Variants in NOX4 observed in about 807,000 individuals in gnomAD.
NOX4 encodes the protein NADPH oxidase 4.
A neutral mutation model predicts 87.6 loss-of-function variants in NOX4; 69 were observed. The observed-to-expected ratio is 0.79, with a 90% CI of 0.65 to 0.96. The LOEUF is 0.96. NOX4 is among the 40% of genes least tolerant of loss of function. NOX4 has a pLI of 0.00. For synonymous variants in NOX4, 275 were observed against 238.2 expected (o/e 1.15, Z -1.42); for missense variants, 680 against 681.5 (o/e 1.00, Z 0.02).
the NOX4 span, among the ~76,000 whole-genome samples, chr11:89,513,255 G>A: frequency 2.0e-5 from 3 of 151,922 alleles, no homozygotes; most frequent in African/African-American, 4.8e-5. Context: ...GGGAGGTGGA[G>A]GTTGCAGTGA....
intron 11 of NOX4, among the ~76,000 whole-genome samples, chr11:89,376,724 T>C (rs1026667487): frequency 1.3e-5 from 2 of 151,844 alleles, no homozygotes; most frequent in Admixed American, 6.6e-5. Context: ...CTACTAAAAA[T>C]ACAAAAAATT....
At chr11:89,496,600 A>C (rs564244367), upstream of NOX4, among the ~76,000 whole-genome samples, 1 of 152,038 alleles carries the variant, frequency 6.6e-6, no homozygotes, top group Non-Finnish European at 1.5e-5. Context: ...AAGAGAAAAA[A>C]TAAATACAAA....
chr11:89,493,721 TTTA>T (rs200679523), upstream of NOX4, among the ~76,000 whole-genome samples: 15,374 of 142,120 alleles, frequency 0.11, 1,092 homozygotes, highest in East Asian at 0.24. Flanking sequence ...GCCAGATTGT[TTTA>T]TTATTATTAT....
intron 2 of NOX4, among the ~76,000 whole-genome samples, chr11:89,463,123 C>T (rs752031984): frequency 6.6e-6 from 1 of 151,668 alleles, no homozygotes; most frequent in Non-Finnish European, 1.5e-5. Flanking sequence ...CAGATTCTGT[C>T]CATTTAATAA....
At chr11:89,381,822 G>A (rs1412577746) in intron 11 of NOX4, among the ~76,000 whole-genome samples, 1 of 152,160 alleles carries the variant, frequency 6.6e-6, no homozygotes, top group African/African-American at 2.4e-5. Context: ...AATCGGGTAA[G>A]CAGGCTCTTT....
chr11:89,530,042 G>A, the NOX4 span, among the ~76,000 whole-genome samples: 1 of 151,944 alleles, frequency 6.6e-6, no homozygotes, highest in Non-Finnish European at 1.5e-5. Context: ...ATATTTTATT[G>A]TTAAACATCA....
intron 12 of NOX4, among the ~76,000 whole-genome samples, chr11:89,368,976 A>G (rs1450677590): frequency 3.9e-5 from 6 of 152,082 alleles, no homozygotes; most frequent in Non-Finnish European, 7.4e-5. Context: ...TACTTTTATT[A>G]TCTCTTAAAC....
At position 89,370,498 on chromosome 11, in the gene NOX4, C is replaced by T. The variant is rs1315172103; in HGVS notation, c.1135+2934G>A. On this transcript the variant is annotated intron_variant, in intron 12 of 17. Transcript: ENST00000263317. ...ATTAATCAATACTAATCATATGTAA[C>T]GAAGAAATTAACAAAACATTTTTGT... 4.6e-5 allele frequency among the ~76,000 whole-genome samples: 7 copies of T among 151,664 alleles called. No individual in the cohort carries two copies. The South Asian group carries it at 8.3e-4, about 18-fold the overall frequency.
chr11:89,356,547 G>C lies in NOX4; in HGVS notation c.1136-1504C>G, dbSNP rs906464395. Among the ~76,000 whole-genome samples, 6 of 152,118 alleles carry C rather than the reference G, an allele frequency of 3.9e-5. No homozygotes were observed. In the East Asian group the frequency reaches 7.7e-4, roughly 20 times the overall value. ...CAGGAATAGGTATGCATTACCTCTA[G>C]AGTCATACCTATGGAAAGGCTTCCT... On this transcript the variant is annotated intron_variant, in intron 12 of 17. Coordinates refer to ENST00000263317, the MANE Select transcript of NOX4 (RefSeq NM_016931.5).
chr11:89,486,436 T>C (rs1213407433), intron 2 of NOX4, among the ~76,000 whole-genome samples: 4 of 149,440 alleles, frequency 2.7e-5, no homozygotes, highest in African/African-American at 7.3e-5. Flanking sequence ...TGCAATTACA[T>C]GCATGTGCCA....
At chr11:89,371,309 G>C (rs1315445606) in intron 12 of NOX4, among the ~76,000 whole-genome samples, 2 of 151,930 alleles carry the variant, frequency 1.3e-5, no homozygotes, top group African/African-American at 4.8e-5. Context: ...TAATTGAAAA[G>C]CATCTGACTA....
chr11:89,438,515 CTATA>C lies in NOX4; in HGVS notation c.475+2169_475+2172del, dbSNP rs1406664961. On this transcript the variant is annotated intron_variant, in intron 6 of 17. Transcript: ENST00000263317. The stretch of plus-strand genomic sequence containing the variant: ...TAATATACAGCATATATATTATATA[CTATA>C]TATACTATATATTACACACTATATA... Among the ~76,000 whole-genome samples the C allele has an allele frequency of 6.3e-5, 5 of 79,914 alleles. No individual in the cohort carries two copies. The East Asian group carries it at 1.9e-3, about 30-fold the overall frequency. The allele number at this position is 79,914 out of a possible 152,430, so 52.4% of individuals were successfully genotyped here.
At chr11:89,335,493 ATTCT>A (rs1945665590) in intron 17 of NOX4, among the ~76,000 whole-genome samples, 1 of 151,760 alleles carries the variant, frequency 6.6e-6, no homozygotes, top group Admixed American at 6.6e-5. Flanking sequence ...TAATTGTAAA[ATTCT>A]TTGTTTGGAA....
chr11:89,491,382 C>T (rs2135501617), upstream of NOX4: 1 of 790,300 alleles, frequency 1.3e-6, no homozygotes, highest in African/African-American at 1.8e-5. Flanking sequence ...GAGTGGAAGC[C>T]CGAAGGCCCG....
In NOX4 at chr11:89,324,913, T is replaced by A. The variant is rs1476646625; in HGVS notation, c.*1843A>T. ...AGGAAGAAATATCTACAAGTAAATA[T>A]CATTCAGTATGGGTTAGCATGCTTG... On this transcript the variant is annotated 3_prime_UTR_variant, in exon 18 of 18. Coordinates refer to ENST00000263317, the MANE Select transcript of NOX4 (RefSeq NM_016931.5). 6.6e-6 allele frequency: 1 copy of A among 152,000 alleles called. No individual in the cohort carries two copies. Among genetic ancestry groups the A allele is most frequent in the Admixed American group, 6.6e-5 (1 of 15,252 alleles). The allele number at this position is 152,000 out of a possible 1,614,324, so 9.4% of individuals were successfully genotyped here.
intron 2 of NOX4, among the ~76,000 whole-genome samples, chr11:89,463,605 T>C (rs548768209): frequency 5.6e-4 from 85 of 152,116 alleles, no homozygotes; most frequent in African/African-American, 2.0e-3. Flanking sequence ...GTGTTTATTG[T>C]CAGCATATGA....
intron 12 of NOX4, among the ~76,000 whole-genome samples, chr11:89,370,655 C>CT (rs1434848763): frequency 5.3e-5 from 8 of 152,032 alleles, no homozygotes; most frequent in Non-Finnish European, 1.0e-4. Context: ...TCCACTCCAT[C>CT]TACTGTACTA....
At chr11:89,357,662 G>A (rs1283178292) in intron 12 of NOX4, among the ~76,000 whole-genome samples, 1 of 152,048 alleles carries the variant, frequency 6.6e-6, no homozygotes, top group Non-Finnish European at 1.5e-5. Flanking sequence ...AAATCAAACA[G>A]CTATATGTGT....
intron 2 of NOX4, among the ~76,000 whole-genome samples, chr11:89,456,504 G>C (rs529769753): frequency 6.6e-6 from 1 of 152,282 alleles, no homozygotes; most frequent in East Asian, 1.9e-4. Flanking sequence ...ATCTTCAGCA[G>C]GAAAGCATTG....
Sources: allele counts gnomAD v4.1 joint callset (sites outside exome capture counted in the v4.1 genomes callset), GRCh38; gene constraint gnomAD v4.1.1; transcripts MANE v1.5; gene names NCBI Gene and HGNC (gene_info 2026-07-23, HGNC 2026-07-21).